Variants in BFAR observed in about 807,000 individuals in gnomAD.
The protein encoded by BFAR is bifunctional apoptosis regulator.
BFAR carries 52 observed loss-of-function variants against 54.4 expected under a neutral mutation model. The observed-to-expected ratio is 0.96, with a 90% CI of 0.77 to 1.21. The LOEUF (loss-of-function observed/expected upper bound fraction) is 1.21, where lower values mean the gene tolerates loss of function less well. Ranked by LOEUF, BFAR falls within the 50% of genes most tolerant of loss-of-function variation. The pLI is 0.00. For missense variants in BFAR, 571 were observed against 534.0 expected, an observed-to-expected ratio of 1.07 and a Z score of -0.68; for synonymous variants, 215 against 204.3, an observed-to-expected ratio of 1.05 and a Z score of -0.45.
chr16:14,651,599 C>A (rs1461874614), intron 4 of BFAR, among the ~76,000 whole-genome samples: 1 of 152,104 alleles, frequency 6.6e-6, no homozygotes, highest in African/African-American at 2.4e-5. Context: ...CCTACCTCAG[C>A]CTCCCAAGTA....
At chr16:14,645,959 C>G (rs937818606) in intron 2 of BFAR, among the ~76,000 whole-genome samples, 2 of 152,198 alleles carry the variant, frequency 1.3e-5, no homozygotes, top group African/African-American at 4.8e-5. Flanking sequence ...ACCTCCACCT[C>G]CTAGGTTCAA....
chr16:14,651,504 C>T (rs1356778665), intron 4 of BFAR, among the ~76,000 whole-genome samples: 2 of 152,086 alleles, frequency 1.3e-5, no homozygotes, highest in African/African-American at 4.8e-5. Flanking sequence ...TTTTTTCAGA[C>T]AGGGTCTCAC....
intron 5 of BFAR, among the ~76,000 whole-genome samples, chr16:14,659,225 G>GTTTTTTTTTTTTTTTTTTTTTT (rs1295639386): frequency 7.1e-6 from 1 of 141,300 alleles, no homozygotes; most frequent in Non-Finnish European, 1.6e-5. Flanking sequence ...ATGCAATTTG[G>GTTTTTTTTTTTTTTTTTTTTTT]TTTTTTTTGT....
At chr16:14,636,541 A>G (rs1309522879) in intron 1 of BFAR, among the ~76,000 whole-genome samples, 1 of 152,214 alleles carries the variant, frequency 6.6e-6, no homozygotes, top group African/African-American at 2.4e-5. Context: ...GTTTTCCCCT[A>G]TCTCAGTAGA....
chr16:14,644,317 A>T lies in BFAR; in HGVS notation c.-30A>T. The T allele has an allele frequency of 2.5e-6, 4 of 1,580,304 alleles. No individual in the cohort carries two copies. The highest frequency in any genetic ancestry group is 8.6e-7 in the Non-Finnish European group (1 of 1,161,352). On this transcript the variant is annotated 5_prime_UTR_variant, in exon 2 of 8. The change abolishes an upstream ATG in the 5' untranslated region. Coordinates refer to ENST00000261658, the MANE Select transcript of BFAR (RefSeq NM_016561.3). ...CAGTTTTCTACGTCTGAAATTTTTT[A>T]TGTCTCTGGAACCCAGAATTTGCTA...
chr16:14,651,049 G>A (rs1035205976), intron 4 of BFAR, among the ~76,000 whole-genome samples: 4 of 152,260 alleles, frequency 2.6e-5, no homozygotes, highest in South Asian at 2.1e-4. Flanking sequence ...AATATGTGGG[G>A]TTCTCCTGCA....
At chr16:14,635,518 G>A (rs1959405407) in intron 1 of BFAR, among the ~76,000 whole-genome samples, 2 of 152,010 alleles carry the variant, frequency 1.3e-5, no homozygotes, top group South Asian at 2.1e-4. Context: ...TATATGCCAC[G>A]AGAAATGAAA....
At chr16:14,656,840 G>A (rs1339822182) in intron 5 of BFAR, among the ~76,000 whole-genome samples, 1 of 151,730 alleles carries the variant, frequency 6.6e-6, no homozygotes, top group Non-Finnish European at 1.5e-5. Flanking sequence ...AAGGAACAAA[G>A]TCCTGTAATC....
chr16:14,661,729 C>T (rs1165912223), intron 5 of BFAR, among the ~76,000 whole-genome samples, 163 bp from the exon 6 acceptor site: 5 of 152,148 alleles, frequency 3.3e-5, no homozygotes, highest in Admixed American at 2.6e-4. Context: ...TACAATGTAA[C>T]CCCAAATGTG....
intron 5 of BFAR, among the ~76,000 whole-genome samples, chr16:14,658,344 C>G (rs1960187168): frequency 3.9e-5 from 6 of 152,128 alleles, no homozygotes; most frequent in Admixed American, 2.6e-4. Context: ...GTCCCCTTGG[C>G]TGGTGCTATC....
At chr16:14,662,665 G>A (rs911264347) in intron 6 of BFAR, among the ~76,000 whole-genome samples, 6 of 152,112 alleles carry the variant, frequency 3.9e-5, no homozygotes, top group Admixed American at 2.0e-4. Flanking sequence ...GACTACAGGC[G>A]AGCACCACCA....
At chr16:14,645,567 G>A (rs147507658) in intron 2 of BFAR, among the ~76,000 whole-genome samples, 153 of 152,234 alleles carry the variant, frequency 1.0e-3, no homozygotes, top group African/African-American at 3.4e-3. Context: ...GTCTAACAAT[G>A]TGTGTGCCCT....
At chr16:14,652,998 G>C (rs1006784630) in intron 4 of BFAR, among the ~76,000 whole-genome samples, 2 of 152,040 alleles carry the variant, frequency 1.3e-5, no homozygotes, top group African/African-American at 4.8e-5. Flanking sequence ...TTGAGGAAAT[G>C]GCATGCTCCT....
At chr16:14,642,255 A>G (rs1014678865) in intron 1 of BFAR, among the ~76,000 whole-genome samples, 9 of 152,224 alleles carry the variant, frequency 5.9e-5, no homozygotes, top group Admixed American at 6.5e-5. Flanking sequence ...TATTTACACC[A>G]TACAAATTTT....
intron 1 of BFAR, among the ~76,000 whole-genome samples, chr16:14,636,962 G>C (rs1166888254): frequency 6.6e-6 from 1 of 152,226 alleles, no homozygotes; most frequent in African/African-American, 2.4e-5. Context: ...GTTTCAGAGA[G>C]CACGGGGTTG....
chr16:14,644,394 A>T lies in BFAR; in HGVS notation c.48A>T (p.Arg16Ser). 1 of 1,613,810 alleles carries T rather than the reference A, an allele frequency of 6.2e-7. No homozygotes were observed. Among genetic ancestry groups the T allele is most frequent in the Non-Finnish European group, 8.5e-7 (1 of 1,179,808 alleles). The change falls in exon 2 of 8, where the codon AGA (arginine) becomes AGT (serine). Residue 16 changes from arginine to serine, a missense_variant. Transcript: ENST00000261658. The stretch of plus-strand genomic sequence containing the variant: ...ATGTGAACACAATGGACCTTGAGAG[A>T]GATGAACCTCTCAAAAGCACCGGCC... ...KSYVNTMDLERDEPLKSTGPQ... is the reference protein window; with the variant it reads ...KSYVNTMDLESDEPLKSTGPQ...
At chr16:14,652,533 G>A (rs780050100) in intron 4 of BFAR, among the ~76,000 whole-genome samples, 5 of 151,854 alleles carry the variant, frequency 3.3e-5, no homozygotes, top group Non-Finnish European at 5.9e-5. Context: ...CACCCACCTC[G>A]GCCTCCCAAA....
At chr16:14,639,827 A>G in intron 1 of BFAR, among the ~76,000 whole-genome samples, 1 of 152,214 alleles carries the variant, frequency 6.6e-6, no homozygotes, top group East Asian at 1.9e-4. Flanking sequence ...CAGTTGTGCC[A>G]ACAATGATAA....
chr16:14,634,244 C>T (rs1959362653), intron 1 of BFAR, among the ~76,000 whole-genome samples: 1 of 152,230 alleles, frequency 6.6e-6, no homozygotes, highest in South Asian at 2.1e-4. Context: ...GCAGGGACTG[C>T]ACGTGCTGAT....
Sources: gnomAD v4.1 joint callset for allele counts (sites outside exome capture counted in the v4.1 genomes callset) on GRCh38, gnomAD v4.1.1 for gene constraint, MANE v1.5 for transcripts, NCBI Gene and HGNC (gene_info 2026-07-23, HGNC 2026-07-21) for gene names.